The following TAFA2 variants were observed in gnomAD, a reference collection of about 807,000 sequenced individuals.
The protein encoded by TAFA2 is TAFA chemokine like family member 2, also known as chemokine-like protein TAFA-2.
A neutral mutation model predicts 18.8 loss-of-function variants in TAFA2; 7 were observed. The observed-to-expected ratio is 0.37, with a 90% CI of 0.21 to 0.70. The LOEUF (loss-of-function observed/expected upper bound fraction) is 0.70. Ranked by LOEUF, TAFA2 falls within the 30% of genes least tolerant of loss-of-function variation. The probability of loss-of-function intolerance (pLI) is 0.53; values close to 1 mark genes in which losing one functional copy is unlikely to be tolerated. For synonymous variants in TAFA2, 60 were observed against 54.2 expected, an observed-to-expected ratio of 1.11 and a Z score of -0.47; for missense variants, 122 against 158.1, an observed-to-expected ratio of 0.77 and a Z score of 1.23.
chr12:61,955,593 T>A, intron 1 of TAFA2, among the ~76,000 whole-genome samples: 1 of 67,648 alleles, frequency 1.5e-5, no homozygotes, highest in South Asian at 5.3e-4. Flanking sequence ...ACAGCAAGAC[T>A]CCATCTCAAA....
intron 1 of TAFA2, among the ~76,000 whole-genome samples, chr12:62,221,262 G>GAAGGAAGT (rs768389992): frequency 2.7e-3 from 380 of 142,194 alleles, no homozygotes; most frequent in South Asian, 4.8e-3. Context: ...AGGAAGGAAG[G>GAAGGAAGT]AAGTTTGAAA....
intron 1 of TAFA2, among the ~76,000 whole-genome samples, chr12:61,889,942 A>G (rs1237451848): frequency 2.0e-5 from 3 of 152,248 alleles, no homozygotes; most frequent in Non-Finnish European, 4.4e-5. Context: ...CACAATGACT[A>G]GGATAAATCA....
chr12:61,779,458 A>G (rs1870411070), intron 2 of TAFA2, among the ~76,000 whole-genome samples: 1 of 151,838 alleles, frequency 6.6e-6, no homozygotes, highest in Non-Finnish European at 1.5e-5. Flanking sequence ...ATTCTGAAAA[A>G]ATAGGTGTTA....
intron 2 of TAFA2, among the ~76,000 whole-genome samples, chr12:61,851,442 A>G (rs1873639254): frequency 3.3e-5 from 5 of 152,170 alleles, no homozygotes; most frequent in Admixed American, 3.3e-4. Context: ...GAACAGGCAC[A>G]AATCATGCAG....
chr12:61,952,913 C>T (rs1475968958), intron 1 of TAFA2, among the ~76,000 whole-genome samples: 1 of 151,956 alleles, frequency 6.6e-6, no homozygotes, highest in Non-Finnish European at 1.5e-5. Context: ...ATCATTTCTC[C>T]TCTTTTATAT....
intron 4 of TAFA2, among the ~76,000 whole-genome samples, chr12:61,713,607 G>T (rs1313806187): frequency 6.6e-6 from 1 of 152,012 alleles, no homozygotes; most frequent in Non-Finnish European, 1.5e-5. Context: ...AAAACCAAAG[G>T]TTTAAAAATG....
intron 1 of TAFA2, among the ~76,000 whole-genome samples, chr12:61,922,616 C>G (rs1430498399): frequency 6.6e-6 from 1 of 152,184 alleles, no homozygotes; most frequent in Non-Finnish European, 1.5e-5. Flanking sequence ...CCAGGAGATT[C>G]CCTTGGGTGC....
chr12:61,741,352 TAC>T (rs887288355), intron 4 of TAFA2, among the ~76,000 whole-genome samples: 2 of 151,526 alleles, frequency 1.3e-5, no homozygotes, highest in African/African-American at 2.4e-5. Flanking sequence ...TTTACATGCA[TAC>T]ACACACACAC....
chr12:62,193,509 T>C (rs1218724000), upstream of TAFA2, among the ~76,000 whole-genome samples: 1 of 152,250 alleles, frequency 6.6e-6, no homozygotes, highest in East Asian at 1.9e-4. Flanking sequence ...ACATACCATA[T>C]TTACAAAGAA....
chr12:61,788,593 C>T (rs1209828325), intron 2 of TAFA2, among the ~76,000 whole-genome samples: 1 of 151,380 alleles, frequency 6.6e-6, no homozygotes, highest in African/African-American at 2.4e-5. Context: ...AAAACCCATA[C>T]AAAACATCAA....
chr12:61,888,142 C>T (rs1875471572), intron 1 of TAFA2, among the ~76,000 whole-genome samples: 1 of 152,056 alleles, frequency 6.6e-6, no homozygotes, highest in South Asian at 2.1e-4. Flanking sequence ...GGACTGTAAA[C>T]TAGTTCAACC....
chr12:62,218,088 T>G (rs539870018), intron 1 of TAFA2, among the ~76,000 whole-genome samples: 27 of 152,056 alleles, frequency 1.8e-4, no homozygotes, highest in Non-Finnish European at 2.5e-4. Context: ...CTCAGCCTCC[T>G]GGGCTCAATA....
At chr12:61,844,571 G>C (rs1351303865) in intron 2 of TAFA2, among the ~76,000 whole-genome samples, 7 of 152,016 alleles carry the variant, frequency 4.6e-5, no homozygotes, top group Middle Eastern at 3.2e-3. Flanking sequence ...AGGTTTTAAA[G>C]CTCATTACAC....
At chr12:62,017,727 A>C (rs527885401) in intron 1 of TAFA2, among the ~76,000 whole-genome samples, 44 of 152,290 alleles carry the variant, frequency 2.9e-4, no homozygotes, top group African/African-American at 1.0e-3. Flanking sequence ...TGTTTTTCAC[A>C]TCAATATAGC....
intron 1 of TAFA2, among the ~76,000 whole-genome samples, chr12:62,058,421 C>T (rs1882242807): frequency 6.6e-6 from 1 of 152,078 alleles, no homozygotes; most frequent in South Asian, 2.1e-4. Context: ...TTTATTTAGC[C>T]ATATTTATAG....
rs968783318 is a variant in TAFA2 at position 61,814,300 on chromosome 12, G to A, written c.106+53020C>T. On this transcript the variant is annotated intron_variant, in intron 2 of 4. Transcript: ENST00000416284. ...AAAGAAAACTAACTAGAGAGCTATA[G>A]TGAGCAAGCTAGGGAATGGGGCAAG... 6.6e-5 allele frequency among the ~76,000 whole-genome samples: 10 copies of A among 151,358 alleles called. 1 individual carries two copies. The highest frequency in any genetic ancestry group is 2.5e-4 in the African/African-American group (10 of 40,654).
chr12:62,023,407 T>G (rs1381146368), intron 1 of TAFA2, among the ~76,000 whole-genome samples: 1 of 152,080 alleles, frequency 6.6e-6, no homozygotes, highest in Non-Finnish European at 1.5e-5. Flanking sequence ...AGATCTAAAT[T>G]TAATAATCAT....
At chr12:61,734,462 T>C (rs1265369310) in intron 4 of TAFA2, among the ~76,000 whole-genome samples, 1 of 151,310 alleles carries the variant, frequency 6.6e-6, no homozygotes, top group Non-Finnish European at 1.5e-5. Flanking sequence ...CATGTATACA[T>C]ATGTAACTAA....
rs147867531 is a variant in TAFA2, at chr12:62,169,258, T to C, written c.-2+22001A>G. On this transcript the variant is annotated intron_variant, in intron 1 of 4. Coordinates refer to ENST00000416284, the MANE Select transcript of TAFA2 (RefSeq NM_178539.5). ...ATAAGCTGGCCTTGTAAAAGTTAGG[T>C]GATCTGGCCAATACCACACATCTAG... is the stretch of plus-strand genomic sequence containing the variant. 1.5e-3 allele frequency among the ~76,000 whole-genome samples: 232 copies of C among 152,200 alleles called. 1 individual carries two copies. Among genetic ancestry groups the C allele is most frequent in the African/African-American group, 5.4e-3 (226 of 41,526 alleles).
Sources: allele counts gnomAD v4.1 joint callset (sites outside exome capture counted in the v4.1 genomes callset), GRCh38; gene constraint gnomAD v4.1.1; transcripts MANE v1.5; gene names NCBI Gene and HGNC (gene_info 2026-07-23, HGNC 2026-07-21).